The following PTCHD4 variants were observed in gnomAD, a reference collection of about 807,000 sequenced individuals.
The protein encoded by PTCHD4 is patched domain containing 4.
Under a neutral mutation model 58.1 loss-of-function variants are expected in PTCHD4, and 33 were observed. That is an observed-to-expected ratio of 0.57 (90% CI 0.43 to 0.76). PTCHD4 has a LOEUF of 0.76. Among genes scored for constraint, PTCHD4 ranks in the 30% least tolerant of loss-of-function variants. The pLI, the probability that PTCHD4 is intolerant of heterozygous loss-of-function variation, is 0.00. For synonymous variants in PTCHD4, 478 were observed against 409.6 expected (o/e 1.17, Z -2.02); for missense variants, 1,058 against 1,027.1 (o/e 1.03, Z -0.41).
chr6:47,939,507 T>C (rs1766129689), intron 4 of PTCHD4, among the ~76,000 whole-genome samples: 2 of 151,942 alleles, frequency 1.3e-5, no homozygotes, highest in African/African-American at 2.4e-5. Flanking sequence ...CAATGAGGTG[T>C]TGTGGAAATC....
intron 1 of PTCHD4, among the ~76,000 whole-genome samples, chr6:48,071,748 C>A (rs2113884822): frequency 6.6e-6 from 1 of 152,182 alleles, no homozygotes; most frequent in East Asian, 1.9e-4. Flanking sequence ...GGATCCTATC[C>A]TGGATACCAC....
At chr6:47,911,339 G>T in intron 4 of PTCHD4, among the ~76,000 whole-genome samples, 1 of 152,158 alleles carries the variant, frequency 6.6e-6, no homozygotes, top group East Asian at 1.9e-4. Context: ...CCCCACCCAA[G>T]GGCAGCTCTT....
chr6:48,101,676 T>A (rs1328615127), intron 1 of PTCHD4, among the ~76,000 whole-genome samples: 1 of 152,214 alleles, frequency 6.6e-6, no homozygotes, highest in East Asian at 1.9e-4. Flanking sequence ...AGAGTCTCAA[T>A]TCAGCCCCTA....
intron 4 of PTCHD4, among the ~76,000 whole-genome samples, chr6:47,932,287 T>G (rs1331627984): frequency 6.6e-6 from 1 of 152,194 alleles, no homozygotes; most frequent in African/African-American, 2.4e-5. Context: ...GATTTAGCAC[T>G]GTGCTGTGTA....
chr6:47,923,614 C>A (rs905145910), intron 4 of PTCHD4, among the ~76,000 whole-genome samples: 1 of 152,122 alleles, frequency 6.6e-6, no homozygotes, highest in Non-Finnish European at 1.5e-5. Flanking sequence ...CATTTGATTT[C>A]TTTTCTTGTT....
chr6:48,086,427 G>T (rs12194502), intron 1 of PTCHD4, among the ~76,000 whole-genome samples: 8,754 of 149,978 alleles, frequency 0.058, 275 homozygotes, highest in Non-Finnish European at 0.065. Context: ...TGCACTAGAA[G>T]AATATTCTTT....
chr6:47,874,046 T>C lies in PTCHD4; in HGVS notation c.*4257A>G, dbSNP rs1341175019. On this transcript the variant is annotated 3_prime_UTR_variant, in exon 5 of 5. Coordinates refer to ENST00000339488, the MANE Select transcript of PTCHD4 (RefSeq NM_001384253.1). The stretch of plus-strand genomic sequence containing the variant: ...CTTCTCCAATCTCTAAGAGACAATA[T>C]CTAAATGTCAGTCTCATGGCATTGT... Among the ~76,000 whole-genome samples the C allele has an allele frequency of 6.6e-6, 1 of 151,712 alleles. No individual in the cohort carries two copies. The highest frequency in any genetic ancestry group is 1.5e-5 in the Non-Finnish European group (1 of 67,812).
At chr6:48,062,102 G>A (rs1456902995) in intron 3 of PTCHD4, among the ~76,000 whole-genome samples, 1 of 152,110 alleles carries the variant, frequency 6.6e-6, no homozygotes, top group East Asian at 1.9e-4. Flanking sequence ...TCGCTAGTGG[G>A]TTAAAATGCA....
intron 1 of PTCHD4, among the ~76,000 whole-genome samples, chr6:48,097,567 C>A (rs903400607): frequency 1.3e-5 from 2 of 152,126 alleles, no homozygotes; most frequent in African/African-American, 4.8e-5. Context: ...TGTTATCCAA[C>A]CTGCCTCTAT....
Position 47,868,400 on chromosome 6 carries a change from A to C in PTCHD4, c.*9903T>G, listed in dbSNP as rs1763628449. 6.6e-6 allele frequency among the ~76,000 whole-genome samples: 1 copy of C among 151,780 alleles called. No homozygotes were observed. Among genetic ancestry groups the C allele is most frequent in the African/African-American group, 2.4e-5 (1 of 41,390 alleles). The stretch of plus-strand genomic sequence containing the variant: ...TATATAGGAAAATTCAAGAAAATGA[A>C]ACAAAACAACAACAAAAGCTTCTGA... On this transcript the variant is annotated 3_prime_UTR_variant, in exon 5 of 5. Coordinates refer to ENST00000339488, the MANE Select transcript of PTCHD4 (RefSeq NM_001384253.1).
At chr6:47,964,108 A>G (rs2113974094) in intron 4 of PTCHD4, among the ~76,000 whole-genome samples, 1 of 152,346 alleles carries the variant, frequency 6.6e-6, no homozygotes, top group Admixed American at 6.5e-5. Context: ...AGTCAAAATC[A>G]TAGAAGCAGA....
At chr6:47,895,955 C>T (rs774774882) in intron 4 of PTCHD4, among the ~76,000 whole-genome samples, 94 of 152,198 alleles carry the variant, frequency 6.2e-4, no homozygotes, top group Admixed American at 2.2e-3. Flanking sequence ...AAAGCCTGTG[C>T]CTTTGATTTG....
At chr6:47,939,236 A>T (rs1210208834) in intron 4 of PTCHD4, among the ~76,000 whole-genome samples, 1 of 152,230 alleles carries the variant, frequency 6.6e-6, no homozygotes. Context: ...TCAAAGTCCC[A>T]TTAAGAGTTA....
chr6:48,105,544 C>A (rs189764443), intron 1 of PTCHD4, among the ~76,000 whole-genome samples: 4 of 151,782 alleles, frequency 2.6e-5, no homozygotes, highest in East Asian at 3.9e-4. Context: ...AAAGAACTAG[C>A]GAAGCAAGAG....
chr6:47,952,462 G>A (rs1280069026), intron 4 of PTCHD4, among the ~76,000 whole-genome samples: 1 of 151,996 alleles, frequency 6.6e-6, no homozygotes, highest in East Asian at 1.9e-4. Context: ...AGTGGTAAAT[G>A]TTTGCTAAAT....
At chr6:47,992,326 C>T (rs72869910) in intron 4 of PTCHD4, among the ~76,000 whole-genome samples, 26 of 152,198 alleles carry the variant, frequency 1.7e-4, no homozygotes, top group Admixed American at 5.2e-4. Flanking sequence ...TACATATGCA[C>T]GCACGTAATA....
Position 48,066,059 on chromosome 6 carries a change from C to T in PTCHD4, c.417+2171G>A, listed in dbSNP as rs138228815. 1.9e-3 allele frequency among the ~76,000 whole-genome samples: 285 copies of T among 152,014 alleles called. 3 individuals carry two copies. Among genetic ancestry groups the T allele is most frequent in the African/African-American group, 6.3e-3 (263 of 41,480 alleles). ...TGGTGCACTCAAAGATTGCAGAGTT[C>T]CAGCTTGCAGGTTACTCTGGGTGAG... On this transcript the variant is annotated intron_variant, in intron 3 of 4. Coordinates refer to ENST00000339488, the MANE Select transcript of PTCHD4 (RefSeq NM_001384253.1).
intron 4 of PTCHD4, among the ~76,000 whole-genome samples, chr6:47,958,179 A>G (rs1053476878): frequency 1.3e-5 from 2 of 152,176 alleles, no homozygotes; most frequent in African/African-American, 4.8e-5. Context: ...TGTTGAGGAA[A>G]TATATGTATA....
intron 4 of PTCHD4, among the ~76,000 whole-genome samples, chr6:47,953,056 CAT>C (rs939013309): frequency 1.9e-5 from 2 of 106,054 alleles, no homozygotes; most frequent in Non-Finnish European, 1.9e-5. Context: ...TGTAGAAAAA[CAT>C]ATAATTGTGA....
Sources: gnomAD v4.1 joint callset for allele counts (sites outside exome capture counted in the v4.1 genomes callset) on GRCh38, gnomAD v4.1.1 for gene constraint, MANE v1.5 for transcripts, NCBI Gene and HGNC (gene_info 2026-07-23, HGNC 2026-07-21) for gene names.